The following PACRG variants were observed in gnomAD, a reference collection of about 807,000 sequenced individuals.
The protein encoded by PACRG is parkin coregulated.
Under a neutral mutation model 29.7 loss-of-function variants are expected in PACRG, and 29 were observed. The observed-to-expected ratio is 0.98, with a 90% CI of 0.73 to 1.33. The LOEUF (loss-of-function observed/expected upper bound fraction) is 1.33, where lower values mean the gene tolerates loss of function less well. PACRG is among the 40% of genes most tolerant of loss of function. The pLI is 0.00. For synonymous variants in PACRG, 116 were observed against 118.7 expected (o/e 0.98, Z 0.15); for missense variants, 279 against 316.2 (o/e 0.88, Z 0.89).
chr6:163,149,347 C>A (rs1253793249), intron 4 of PACRG, among the ~76,000 whole-genome samples: 1 of 152,140 alleles, frequency 6.6e-6, no homozygotes, highest in Non-Finnish European at 1.5e-5. Context: ...AGCGCACTGG[C>A]CCGTCTGCCC....
chr6:163,313,137 T>C (rs73029027), intron 4 of PACRG, among the ~76,000 whole-genome samples: 20,417 of 151,606 alleles, frequency 0.13, 1,665 homozygotes, highest in Non-Finnish European at 0.16. Flanking sequence ...ACATTTTGAA[T>C]ATTTGGGATG....
intron 2 of PACRG, among the ~76,000 whole-genome samples, chr6:162,894,503 G>C (rs571071576): frequency 3.9e-5 from 6 of 152,124 alleles, no homozygotes; most frequent in Non-Finnish European, 7.4e-5. Flanking sequence ...AATCACTGAG[G>C]GATGAAAAAA....
chr6:162,850,336 T>G (rs984866873), intron 2 of PACRG, among the ~76,000 whole-genome samples: 1 of 152,210 alleles, frequency 6.6e-6, no homozygotes, highest in South Asian at 2.1e-4. Context: ...TTCAGCCCAT[T>G]TCCTGGCATA....
intron 3 of PACRG, among the ~76,000 whole-genome samples, chr6:163,070,825 G>A (rs1811973154): frequency 6.7e-6 from 1 of 150,294 alleles, no homozygotes; most frequent in African/African-American, 2.4e-5. Flanking sequence ...CACTTAGGAA[G>A]ACACACGTAG....
At chr6:163,227,520 G>T (rs975287169) in intron 4 of PACRG, among the ~76,000 whole-genome samples, 1 of 152,176 alleles carries the variant, frequency 6.6e-6, no homozygotes, top group East Asian at 1.9e-4. Context: ...TATATGTAAC[G>T]GAAAGATAAC....
intron 4 of PACRG, among the ~76,000 whole-genome samples, chr6:163,123,064 C>T (rs937708688): frequency 5.9e-5 from 9 of 152,164 alleles, no homozygotes; most frequent in African/African-American, 1.9e-4. Flanking sequence ...AACAGCTCCC[C>T]GGTACAGAAG....
chr6:162,855,850 G>C (rs376415155), intron 2 of PACRG, among the ~76,000 whole-genome samples: 145 of 152,218 alleles, frequency 9.5e-4, no homozygotes, highest in African/African-American at 3.3e-3. Flanking sequence ...GATTTAACTG[G>C]CCTTCCTTGG....
chr6:162,979,111 C>G (rs1802198506), intron 2 of PACRG, among the ~76,000 whole-genome samples: 1 of 152,136 alleles, frequency 6.6e-6, no homozygotes, highest in Admixed American at 6.5e-5. Flanking sequence ...TAATGACCTG[C>G]TTTCTTAGGA....
intron 3 of PACRG, among the ~76,000 whole-genome samples, chr6:163,081,016 A>G (rs952195627): frequency 8.5e-5 from 13 of 152,220 alleles, no homozygotes; most frequent in African/African-American, 3.1e-4. Flanking sequence ...GGAATATGAT[A>G]AATCAGGCTG....
chr6:163,179,804 G>C (rs1462870315), intron 4 of PACRG, among the ~76,000 whole-genome samples: 1 of 152,156 alleles, frequency 6.6e-6, no homozygotes, highest in African/African-American at 2.4e-5. Context: ...GTTATGGTGG[G>C]ATCCAAGTAT....
At chr6:163,130,021 G>T (rs1184068740) in intron 4 of PACRG, among the ~76,000 whole-genome samples, 1 of 152,220 alleles carries the variant, frequency 6.6e-6, no homozygotes. Context: ...TGTACCTCAT[G>T]TGTCTCTTAT....
At chr6:163,093,930 G>C (rs1814339710) in intron 4 of PACRG, among the ~76,000 whole-genome samples, 1 of 152,130 alleles carries the variant, frequency 6.6e-6, no homozygotes, top group Non-Finnish European at 1.5e-5. Flanking sequence ...GTTTGTACCA[G>C]GTCTTTGACC....
chr6:162,878,757 A>G (rs1793584040), intron 2 of PACRG, among the ~76,000 whole-genome samples: 1 of 152,224 alleles, frequency 6.6e-6, no homozygotes, highest in South Asian at 2.1e-4. Flanking sequence ...GATTTCCCCA[A>G]TATGTTGTTT....
chr6:163,187,646 G>A (rs1246683857), intron 4 of PACRG: 1 of 152,216 alleles, frequency 6.6e-6, no homozygotes, highest in African/African-American at 2.4e-5. Flanking sequence ...CACTCAGTGG[G>A]TTTCCCATCC....
At chr6:162,908,593 T>C (rs936566540) in intron 2 of PACRG, among the ~76,000 whole-genome samples, 4 of 152,238 alleles carry the variant, frequency 2.6e-5, no homozygotes, top group African/African-American at 7.2e-5. Context: ...AGACATTCCA[T>C]GTCTCTGCTC....
intron 2 of PACRG, among the ~76,000 whole-genome samples, chr6:162,915,247 A>G (rs1475425234): frequency 1.3e-5 from 2 of 151,792 alleles, no homozygotes; most frequent in Admixed American, 1.3e-4. Context: ...TTGTCAAATT[A>G]TTTTTCTGCC....
At chr6:162,967,769 C>T (rs7758271) in intron 2 of PACRG, among the ~76,000 whole-genome samples, 1 of 151,914 alleles carries the variant, frequency 6.6e-6, no homozygotes, top group East Asian at 1.9e-4. Context: ...GGCCTCCCAA[C>T]GTGCTAGGAT....
At chr6:163,037,718 C>T (rs1443806437) in intron 2 of PACRG, among the ~76,000 whole-genome samples, 1 of 152,210 alleles carries the variant, frequency 6.6e-6, no homozygotes, top group Non-Finnish European at 1.5e-5. Context: ...TTACCTACAG[C>T]ACAGACGCAT....
intron 4 of PACRG, among the ~76,000 whole-genome samples, chr6:163,302,700 A>G (rs1562368336): frequency 1.3e-5 from 2 of 152,262 alleles, no homozygotes; most frequent in Admixed American, 6.5e-5. Context: ...TTCAAAGAGT[A>G]GGTACTTTAG....
Sources: gnomAD v4.1 joint callset for allele counts (sites outside exome capture counted in the v4.1 genomes callset) on GRCh38, gnomAD v4.1.1 for gene constraint, MANE v1.5 for transcripts, NCBI Gene and HGNC (gene_info 2026-07-23, HGNC 2026-07-21) for gene names.